Variants in OTUD7A observed in about 807,000 individuals in gnomAD.
OTUD7A encodes the protein OTU domain-containing protein 7A.
In OTUD7A, 12 loss-of-function variants were observed where a neutral mutation model predicts 65.7. The ratio of observed to expected loss-of-function variants is 0.18; its 90% CI spans 0.12 to 0.30. OTUD7A has a LOEUF of 0.30. OTUD7A is among the 10% of genes least tolerant of loss of function. The pLI is 1.00. For missense variants in OTUD7A, 1,148 were observed against 1,304.8 expected, an observed-to-expected ratio of 0.88 and a Z score of 1.85; for synonymous variants, 641 against 586.3, an observed-to-expected ratio of 1.09 and a Z score of -1.35.
intron 1 of OTUD7A, among the ~76,000 whole-genome samples, chr15:31,720,496 G>T (rs1893706892): frequency 1.3e-5 from 2 of 152,010 alleles, no homozygotes; most frequent in South Asian, 4.2e-4. Context: ...GCCCCCCGGG[G>T]TTCACACCAT....
intron 3 of OTUD7A, among the ~76,000 whole-genome samples, chr15:31,592,948 C>A (rs1889790123): frequency 1.2e-5 from 1 of 86,690 alleles, no homozygotes; most frequent in Non-Finnish European, 1.9e-5. Flanking sequence ...TATATATACA[C>A]GTGTATATAT....
At chr15:31,699,661 G>T (rs556329087) in intron 1 of OTUD7A, among the ~76,000 whole-genome samples, 11 of 152,150 alleles carry the variant, frequency 7.2e-5, no homozygotes, top group Non-Finnish European at 1.5e-4. Flanking sequence ...GGCCTGCAGA[G>T]GGAAGACCAT....
chr15:31,510,401 G>C (rs1278193862), intron 8 of OTUD7A, among the ~76,000 whole-genome samples: 2 of 150,568 alleles, frequency 1.3e-5, no homozygotes, highest in Non-Finnish European at 3.0e-5. Context: ...CCTTCCCCTA[G>C]AGGAGCGACT....
At chr15:31,861,836 T>C (rs773228003) in intron 1 of OTUD7A, among the ~76,000 whole-genome samples, 8 of 152,218 alleles carry the variant, frequency 5.3e-5, no homozygotes, top group Non-Finnish European at 1.2e-4. Flanking sequence ...TCTAATGCTG[T>C]ACTTGCAAAG....
At chr15:31,595,754 AGAATT>A (rs1379210134) in intron 3 of OTUD7A, among the ~76,000 whole-genome samples, 6 of 152,200 alleles carry the variant, frequency 3.9e-5, no homozygotes, top group Non-Finnish European at 8.8e-5. Flanking sequence ...GGCTTGAAAG[AGAATT>A]GGCTTCCAGC....
At chr15:31,490,293 G>C (rs1022937292) in intron 10 of OTUD7A, among the ~76,000 whole-genome samples, 1 of 152,156 alleles carries the variant, frequency 6.6e-6, no homozygotes, top group Admixed American at 6.5e-5. Flanking sequence ...AAGGTGTTTT[G>C]TTTTTGTTTT....
intron 1 of OTUD7A, among the ~76,000 whole-genome samples, chr15:31,721,258 G>A (rs1893731890): frequency 6.6e-6 from 1 of 152,256 alleles, no homozygotes. Context: ...ATGAATGCTT[G>A]TTGCTTTTGA....
At chr15:31,739,877 T>C (rs192824185) in intron 1 of OTUD7A, among the ~76,000 whole-genome samples, 2 of 152,364 alleles carry the variant, frequency 1.3e-5, no homozygotes, top group East Asian at 1.9e-4. Context: ...GGCCTCACCA[T>C]GTCTTGAATG....
At chr15:31,561,784 T>TCTCACA (rs1555396642) in intron 4 of OTUD7A, among the ~76,000 whole-genome samples, 69 of 150,526 alleles carry the variant, frequency 4.6e-4, no homozygotes, top group African/African-American at 1.6e-3. Context: ...ACACACAGAG[T>TCTCACA]CACACACACA....
intron 1 of OTUD7A, among the ~76,000 whole-genome samples, chr15:31,863,261 A>C (rs1897792346): frequency 6.6e-6 from 1 of 152,096 alleles, no homozygotes; most frequent in Non-Finnish European, 1.5e-5. Context: ...GTGGATCTCC[A>C]TTCTGTGGTC....
At chr15:31,733,884 C>G (rs1423295714) in intron 1 of OTUD7A, among the ~76,000 whole-genome samples, 1 of 152,096 alleles carries the variant, frequency 6.6e-6, no homozygotes, top group African/African-American at 2.4e-5. Context: ...TCAGAGGATG[C>G]CTGAAAGCTA....
In OTUD7A at chr15:31,708,256, A is replaced by G. The variant is rs192909066; in HGVS notation, c.-99-51179T>C. On this transcript the variant is annotated intron_variant, in intron 1 of 12. Transcript: ENST00000307050. ...GGTGGTGGTAAAGATGTGGGGAAAC[A>G]GCACTTCATACATTAATGGTGAGAG... Among the ~76,000 whole-genome samples, 183 of 152,356 alleles carry G rather than the reference A, an allele frequency of 1.2e-3. 1 individual carries two copies. The highest frequency in any genetic ancestry group is 4.3e-3 in the African/African-American group (177 of 41,592).
rs2041197024 is a variant in OTUD7A at position 31,484,276 on chromosome 15, G to C, written c.1820C>G (p.Pro607Arg). Residue 607 changes from proline (P) to arginine (R), a missense_variant, in exon 13 of 13, where the codon CCG (proline) becomes CGG (arginine). This residue lies in a region of OTUD7A where 842 missense variants were observed against 769.5 expected (regional missense o/e 1.09). Transcript: ENST00000307050. The surrounding 1 kb of genome is among the most constrained non-coding windows in gnomAD (Gnocchi z 4.5). ...SPTDKAAGASPAEKGGGPRGD... is the reference protein window; with the variant it reads ...SPTDKAAGASRAEKGGGPRGD... ...CCGCGGCCCACCGCCCTTCTCCGCC[G>C]GCGACGCGCCCGCTGCCTTGTCTGT... 1.3e-6 allele frequency: 2 copies of C among 1,593,386 alleles called. No homozygotes were observed. Among genetic ancestry groups the C allele is most frequent in the Non-Finnish European group, 1.7e-6 (2 of 1,173,884 alleles).
At chr15:31,552,326 T>A (rs1432365136) in intron 5 of OTUD7A, among the ~76,000 whole-genome samples, 1 of 152,210 alleles carries the variant, frequency 6.6e-6, no homozygotes, top group Non-Finnish European at 1.5e-5. Flanking sequence ...AAATGGGCTA[T>A]GACAATAGGA....
chr15:31,850,647 C>T (rs925505626), intron 1 of OTUD7A, among the ~76,000 whole-genome samples: 1 of 152,116 alleles, frequency 6.6e-6, no homozygotes, highest in African/African-American at 2.4e-5. Flanking sequence ...TCACACCCAC[C>T]ACAACCCTGA....
At chr15:31,850,628 T>A (rs1897400635) in intron 1 of OTUD7A, among the ~76,000 whole-genome samples, 1 of 152,088 alleles carries the variant, frequency 6.6e-6, no homozygotes, top group African/African-American at 2.4e-5. Flanking sequence ...GCTGGCCCCA[T>A]CCTTCTGCTC....
At chr15:31,817,041 C>A (rs1348538288) in intron 1 of OTUD7A, among the ~76,000 whole-genome samples, 2 of 152,068 alleles carry the variant, frequency 1.3e-5, no homozygotes, top group African/African-American at 2.4e-5. Context: ...GTTCAGAACC[C>A]AAATAAGCAG....
intron 1 of OTUD7A, among the ~76,000 whole-genome samples, chr15:31,755,080 TGAAA>T (rs1233716615): frequency 2.0e-5 from 3 of 150,182 alleles, no homozygotes; most frequent in Non-Finnish European, 4.4e-5. Context: ...TGTGTGTGTG[TGAAA>T]GAGAGAAGAG....
intron 1 of OTUD7A, among the ~76,000 whole-genome samples, chr15:31,747,654 G>A (rs1894516426): frequency 6.6e-6 from 1 of 152,198 alleles, no homozygotes; most frequent in African/African-American, 2.4e-5. Context: ...GAATGCCAGT[G>A]TAGGAGGAAT....
Sources: gnomAD v4.1 joint callset for allele counts (sites outside exome capture counted in the v4.1 genomes callset) on GRCh38, gnomAD v4.1.1 for gene constraint, gnomAD v4.1.1 regional missense constraint, Gnocchi (gnomAD v3.1) non-coding constraint, MANE v1.5 for transcripts, NCBI Gene and HGNC (gene_info 2026-07-23, HGNC 2026-07-21) for gene names.